DOCK2: variants seen among roughly 807,000 people sequenced by gnomAD.
DOCK2 encodes the protein dedicator of cytokinesis protein 2.
A neutral mutation model predicts 248.9 loss-of-function variants in DOCK2; 87 were observed. The observed-to-expected ratio is 0.35, with a 90% confidence interval of 0.29 to 0.42. DOCK2 has a LOEUF of 0.42. Among genes scored for constraint, DOCK2 ranks in the 10% least tolerant of loss-of-function variants. The pLI is 1.00. For synonymous variants in DOCK2, 805 were observed against 821.6 expected, an observed-to-expected ratio of 0.98 and a Z score of 0.35; for missense variants, 1,747 against 2,300.2, an observed-to-expected ratio of 0.76 and a Z score of 4.92.
intron 28 of DOCK2, among the ~76,000 whole-genome samples, chr5:169,985,043 G>A (rs1314417942): frequency 6.6e-6 from 1 of 152,114 alleles, no homozygotes; most frequent in Non-Finnish European, 1.5e-5. Flanking sequence ...AGCCTCCCGA[G>A]TAGCTGGGAT....
intron 30 of DOCK2, among the ~76,000 whole-genome samples, chr5:170,001,594 A>G (rs1336847106): frequency 6.6e-6 from 1 of 152,180 alleles, no homozygotes; most frequent in Non-Finnish European, 1.5e-5. Context: ...GAGAATAATT[A>G]TACAAATCTC....
At chr5:169,666,337 G>C (rs935123467) in intron 2 of DOCK2, among the ~76,000 whole-genome samples, 7 of 152,098 alleles carry the variant, frequency 4.6e-5, no homozygotes, top group African/African-American at 1.7e-4. Flanking sequence ...TACGAATTTT[G>C]GGAGGACACA....
intron 26 of DOCK2, among the ~76,000 whole-genome samples, chr5:169,835,548 C>T (rs1174054368): frequency 6.6e-6 from 1 of 152,018 alleles, no homozygotes; most frequent in Non-Finnish European, 1.5e-5. Flanking sequence ...AGTCAGCGGG[C>T]CTGGCCAAAA....
At chr5:169,803,744 C>T (rs909517508) in intron 26 of DOCK2, among the ~76,000 whole-genome samples, 3 of 151,910 alleles carry the variant, frequency 2.0e-5, no homozygotes, top group Admixed American at 1.3e-4. Context: ...ATTTTGTAGA[C>T]GTCATTCAGA....
chr5:169,797,611 C>A (rs1766733153), intron 25 of DOCK2, among the ~76,000 whole-genome samples: 1 of 152,192 alleles, frequency 6.6e-6, no homozygotes, highest in African/African-American at 2.4e-5. Context: ...TTGAGTAGTT[C>A]TGCAGATTCC....
At chr5:169,662,225 C>G (rs1462113186) in intron 2 of DOCK2, among the ~76,000 whole-genome samples, 1 of 152,188 alleles carries the variant, frequency 6.6e-6, no homozygotes, top group Non-Finnish European at 1.5e-5. Flanking sequence ...TGTCAAACAC[C>G]TTTCCATGTA....
chr5:169,960,323 G>A (rs909042409), intron 27 of DOCK2, among the ~76,000 whole-genome samples: 7 of 152,150 alleles, frequency 4.6e-5, no homozygotes, highest in African/African-American at 1.4e-4. Flanking sequence ...AGATCCTTGG[G>A]TATTTACATC....
chr5:169,929,761 A>AAAG (rs1775656228), intron 27 of DOCK2, among the ~76,000 whole-genome samples: 1 of 149,516 alleles, frequency 6.7e-6, no homozygotes, highest in Non-Finnish European at 1.5e-5. Flanking sequence ...AAAAAAAAAA[A>AAAG]AGAGAGAGAG....
chr5:169,844,975 G>A (rs1387902027), intron 27 of DOCK2, among the ~76,000 whole-genome samples: 1 of 151,774 alleles, frequency 6.6e-6, no homozygotes, highest in Non-Finnish European at 1.5e-5. Flanking sequence ...TAGATACTCA[G>A]CACAAAGACT....
At chr5:170,005,935 A>G (rs571798989) in intron 30 of DOCK2, among the ~76,000 whole-genome samples, 1 of 152,286 alleles carries the variant, frequency 6.6e-6, no homozygotes, top group South Asian at 2.1e-4. Context: ...CCTATTTCCC[A>G]TGTACCTTAA....
intron 27 of DOCK2, among the ~76,000 whole-genome samples, chr5:169,847,025 A>T (rs1274804294): frequency 6.6e-6 from 1 of 152,208 alleles, no homozygotes; most frequent in African/African-American, 2.4e-5. Flanking sequence ...GGCAAAAGAC[A>T]TTATTTCATT....
intron 47 of DOCK2, among the ~76,000 whole-genome samples, chr5:170,076,805 T>G (rs1183143067): frequency 6.6e-6 from 1 of 152,194 alleles, no homozygotes; most frequent in Non-Finnish European, 1.5e-5. Context: ...TTTTTTTCCA[T>G]GAGGCAGTTT....
intron 27 of DOCK2, among the ~76,000 whole-genome samples, chr5:169,940,178 G>T (rs949683942): frequency 6.6e-6 from 1 of 152,188 alleles, no homozygotes; most frequent in Non-Finnish European, 1.5e-5. Context: ...CAGATCTTTA[G>T]AAGGGACCTG....
intron 10 of DOCK2, among the ~76,000 whole-genome samples, chr5:169,697,607 G>C (rs1760708733): frequency 6.6e-6 from 1 of 152,132 alleles, no homozygotes; most frequent in South Asian, 2.1e-4. Context: ...AGAGAGAATG[G>C]ATGCTCGGTT....
chr5:169,881,551 CTGAAGTTG>C (rs1772649344), intron 27 of DOCK2: 3 of 793,266 alleles, frequency 3.8e-6, no homozygotes, highest in South Asian at 1.5e-5. Context: ...TCACGGTGCT[CTGAAGTTG>C]CACGGCCATT....
intron 27 of DOCK2, among the ~76,000 whole-genome samples, chr5:169,977,265 C>G (rs1395056832): frequency 6.6e-6 from 1 of 152,198 alleles, no homozygotes; most frequent in African/African-American, 2.4e-5. Flanking sequence ...GCGGCAGAGG[C>G]TCTTAGCTGT....
At chr5:169,723,043 C>T (rs1275572998) in intron 22 of DOCK2, among the ~76,000 whole-genome samples, 1 of 152,208 alleles carries the variant, frequency 6.6e-6, no homozygotes, top group Admixed American at 6.5e-5. Flanking sequence ...GCCCCTCTGG[C>T]CAGAGCAGCT....
At chr5:169,963,314 G>A (rs1027672155) in intron 27 of DOCK2, among the ~76,000 whole-genome samples, 1 of 152,148 alleles carries the variant, frequency 6.6e-6, no homozygotes, top group Non-Finnish European at 1.5e-5. Context: ...ACCCACAGCA[G>A]CCCTGACCTG....
At chr5:169,970,719 G>A (rs1447891656) in intron 27 of DOCK2, among the ~76,000 whole-genome samples, 1 of 152,202 alleles carries the variant, frequency 6.6e-6, no homozygotes, top group Non-Finnish European at 1.5e-5. Context: ...ATAATCAGGG[G>A]AGATTTTAAA....
Sources: gnomAD v4.1 joint callset for allele counts (sites outside exome capture counted in the v4.1 genomes callset) on GRCh38, gnomAD v4.1.1 for gene constraint, MANE v1.5 for transcripts, NCBI Gene and HGNC (gene_info 2026-07-23, HGNC 2026-07-21) for gene names.